Variants in TPR observed in about 807,000 individuals in gnomAD.
The protein encoded by TPR is nucleoprotein TPR.
TPR carries 51 observed loss-of-function variants against 316.1 expected under a neutral mutation model. The ratio of observed to expected loss-of-function variants is 0.16; its 90% CI spans 0.13 to 0.20. The LOEUF (loss-of-function observed/expected upper bound fraction) is 0.20, where lower values mean the gene tolerates loss of function less well. Among genes scored for constraint, TPR ranks in the 10% least tolerant of loss-of-function variants. The pLI, the probability that TPR is intolerant of heterozygous loss-of-function variation, is 1.00. For missense variants in TPR, 2,272 were observed against 2,754.8 expected, an observed-to-expected ratio of 0.82 and a Z score of 3.92; for synonymous variants, 981 against 914.7, an observed-to-expected ratio of 1.07 and a Z score of -1.31.
At chr1:186,353,921 C>T (rs1658947452) in intron 17 of TPR, 71 bp from the exon 18 acceptor site, 3 of 1,443,008 alleles carry the variant, frequency 2.1e-6, no homozygotes, top group Admixed American at 1.9e-5. Flanking sequence ...AGAAATTTCA[C>T]AATAGCTTAA....
At chr1:186,321,501 C>T (rs916621613) in intron 45 of TPR, among the ~76,000 whole-genome samples, 1 of 152,168 alleles carries the variant, frequency 6.6e-6, no homozygotes, top group Non-Finnish European at 1.5e-5. Context: ...TGCTGTCTGA[C>T]CTCTGGCAAA....
chr1:186,313,692 A>C lies in TPR; in HGVS notation c.*279T>G. Reference sequence around the variant, plus strand: ...TCTCTTCCATTTAGATCAATACTATAACATTGATGTGCCTAGTAGAACAGC... The same window carrying C: ...TCTCTTCCATTTAGATCAATACTATCACATTGATGTGCCTAGTAGAACAGC... On this transcript the variant is annotated 3_prime_UTR_variant, in exon 51 of 51. Transcript: ENST00000367478. 2 of 1,597,784 alleles carry C rather than the reference A, an allele frequency of 1.3e-6. No individual in the cohort carries two copies. Among genetic ancestry groups the C allele is most frequent in the South Asian group, 2.2e-5 (2 of 90,724 alleles).
intron 21 of TPR, 68 bp downstream of exon 21, chr1:186,350,155 A>G: frequency 1.5e-6 from 2 of 1,348,024 alleles, no homozygotes; most frequent in Non-Finnish European, 2.0e-6. Context: ...ATTTACTGAC[A>G]GGATATATTA....
chr1:186,375,024 G>C lies in TPR; in HGVS notation c.5C>G (p.Ala2Gly). 6.2e-7 allele frequency: 1 copy of C among 1,614,026 alleles called. No homozygotes were observed. Among genetic ancestry groups the C allele is most frequent in the Non-Finnish European group, 8.5e-7 (1 of 1,180,018 alleles). ...CTCCAGGACTTGCTGCAACACCGCC[G>C]CCATGTCGGTGGGGCCAGGGACCCC... The part of the protein sequence containing the change: M[A>G]AVLQQVLERT... Residue 2 changes from alanine to glycine, a missense_variant, in exon 1 of 51, where the codon GCG becomes GGG. By Grantham distance (60) the Ala-to-Gly change is moderately conservative (BLOSUM62 0). Around this residue, in one of 10 missense-constraint regions of TPR, gnomAD observed 549 missense variants for 598.6 expected, o/e 0.92. Coordinates refer to ENST00000367478, the MANE Select transcript of TPR (RefSeq NM_003292.3).
intron 18 of TPR, 152 bp from the exon 19 acceptor site, chr1:186,352,262 T>C (rs2101976037): frequency 1.5e-6 from 1 of 648,066 alleles, no homozygotes; most frequent in South Asian, 6.4e-5. Context: ...TACAAAACAG[T>C]TTCATGTGCT....
At chr1:186,357,044 C>A (rs897300460) in intron 14 of TPR, among the ~76,000 whole-genome samples, 4 of 152,066 alleles carry the variant, frequency 2.6e-5, no homozygotes, top group African/African-American at 9.7e-5. Context: ...CTGTTAGGAA[C>A]ACATAGATTT....
rs1320868279 is a variant in TPR, at chr1:186,357,527, C to T, written c.1594G>A (p.Val532Ile). The change falls in exon 14 of 51, where the codon GTA becomes ATA. Residue 532 changes from valine to isoleucine, a missense_variant. Val to Ile is a conservative substitution (Grantham distance 29). Coordinates refer to ENST00000367478, the MANE Select transcript of TPR (RefSeq NM_003292.3). Reference protein sequence around the residue: ...SSADISSSSEVISQHLVSYRN... With the variant: ...SSADISSSSEIISQHLVSYRN... ...TAAGATACTAGATGCTGTGATATTA[C>T]CTCAGATGAACTACTTATATCAGCA... 6.2e-7 allele frequency: 1 copy of T among 1,613,884 alleles called. No homozygotes were observed. Among genetic ancestry groups the T allele is most frequent in the African/African-American group, 1.3e-5 (1 of 74,840 alleles).
At chr1:186,363,580 A>G in intron 4 of TPR, 135 bp from the exon 5 acceptor site, 1 of 547,926 alleles carries the variant, frequency 1.8e-6, no homozygotes, top group Non-Finnish European at 3.1e-6. Context: ...CACAGATTGG[A>G]ACCATGCAGA....
chr1:186,347,249 C>A lies in TPR; in HGVS notation c.2943+43G>T, dbSNP rs756992146. 2.5e-6 allele frequency: 4 copies of A among 1,598,226 alleles called. No individual in the cohort carries two copies. In the Admixed American group the frequency reaches 6.8e-5, roughly 27 times the overall value. Reference sequence around the variant, plus strand: ...CTCTAGTTACTAAAAACAAAGTTAACAAATGTGTTGAGATTGAATTCTGAA... The same window carrying A: ...CTCTAGTTACTAAAAACAAAGTTAAAAAATGTGTTGAGATTGAATTCTGAA... On this transcript the variant is annotated intron_variant, in intron 22 of 50. Coordinates refer to ENST00000367478, the MANE Select transcript of TPR (RefSeq NM_003292.3).
At position 186,375,011 on chromosome 1, in the gene TPR, C is replaced by T; in HGVS notation, c.18G>A (p.Gln6=). 1 of 1,614,026 alleles carries T rather than the reference C, an allele frequency of 6.2e-7. No homozygotes were observed. Among genetic ancestry groups the T allele is most frequent in the Non-Finnish European group, 8.5e-7 (1 of 1,180,014 alleles). MAAVL[Q]QVLERTELNK... ...TCAGCTCCGTGCGCTCCAGGACTTG[C>T]TGCAACACCGCCGCCATGTCGGTGG... Residue 6 remains glutamine (Q), a synonymous_variant, in exon 1 of 51, where the codon CAG becomes CAA. Transcript: ENST00000367478.
At position 186,353,182 on chromosome 1, in the gene TPR, C is replaced by T. The variant is rs181871134; in HGVS notation, c.2334+506G>A. On this transcript the variant is annotated intron_variant, in intron 18 of 50. Transcript: ENST00000367478. The stretch of plus-strand genomic sequence containing the variant: ...GGTCAGTAGATCGAGACCATCCTGG[C>T]TAACACAGTGAAACCCCATCTCTAC... Among the ~76,000 whole-genome samples, 21 of 152,208 alleles carry T rather than the reference C, an allele frequency of 1.4e-4. No homozygotes were observed. The East Asian group carries it at 3.5e-3, about 25-fold the overall frequency.
intron 2 of TPR, 71 bp from the exon 3 acceptor site, chr1:186,371,114 G>T: frequency 9.0e-7 from 1 of 1,112,794 alleles, no homozygotes. Context: ...TTATGCAACT[G>T]CCAACCTTAC....
chr1:186,341,259 T>C lies in TPR; in HGVS notation c.3881A>G (p.Gln1294Arg), dbSNP rs373984347. The C allele has an allele frequency of 6.2e-7, 1 of 1,613,820 alleles. No individual in the cohort carries two copies. The highest frequency in any genetic ancestry group is 8.5e-7 in the Non-Finnish European group (1 of 1,179,956). Residue 1294 changes from glutamine (Q) to arginine (R), a missense_variant, in exon 28 of 51, where the codon CAA becomes CGA. By Grantham distance (43) the Gln-to-Arg change is conservative. Around this residue, in one of 10 missense-constraint regions of TPR, gnomAD observed 757 missense variants for 859.8 expected, o/e 0.88. Transcript: ENST00000367478. ...ERLEQDLQQMQAKVRKLELDI... is the reference protein window; with the variant it reads ...ERLEQDLQQMRAKVRKLELDI... The stretch of plus-strand genomic sequence containing the variant: ...GATAACTAAGCAACAAACCTTTGCT[T>C]GCATTTGCTGTAGATCCTGTTCTAG...
rs1017349438 is a variant in TPR, at chr1:186,333,005, T to G, written c.5455+117A>C. The G allele has an allele frequency of 2.0e-5, 24 of 1,205,744 alleles. No homozygotes were observed. In the Admixed American group the frequency reaches 5.9e-4, roughly 30 times the overall value. 74.7% of individuals were successfully genotyped at this position (1,205,744 alleles called of 1,614,324 possible). A position where few individuals can be genotyped will look rare whatever the true frequency, so the allele number is the denominator to read the frequency against. On this transcript the variant is annotated intron_variant, in intron 37 of 50. Coordinates refer to ENST00000367478, the MANE Select transcript of TPR (RefSeq NM_003292.3). ...TTATATCCAAGATATTATAATTGCG[T>G]AGGTCTATTCTAACTTCATTTGTAC...
Position 186,350,392 on chromosome 1 carries a change from T to C in TPR, c.2611-4A>G, listed in dbSNP as rs1658823646. 2 of 1,568,824 alleles carry C rather than the reference T, an allele frequency of 1.3e-6. No individual in the cohort carries two copies. The highest frequency in any genetic ancestry group is 1.4e-5 in the African/African-American group (1 of 72,926). ...TCTTTGTATCTAAAAGTTGAACCTA[T>C]AAAATACATTAATCTTATAACATTC... On this transcript the variant is annotated splice_region_variant and splice_polypyrimidine_tract_variant and intron_variant, in intron 20 of 50. Transcript: ENST00000367478.
rs748838725 is a variant in TPR, at chr1:186,345,667, A to G, written c.3126T>C (p.Ser1042=). 1.9e-6 allele frequency: 3 copies of G among 1,612,830 alleles called. No homozygotes were observed. The highest frequency in any genetic ancestry group is 3.3e-5 in the Admixed American group (2 of 59,956). Residue 1042 remains serine, a synonymous_variant, in exon 24 of 51, where the codon AGT becomes AGC. Coordinates refer to ENST00000367478, the MANE Select transcript of TPR (RefSeq NM_003292.3). The stretch of plus-strand genomic sequence containing the variant: ...GAGCTTCTTGTACTTCATTCTGAAC[A>G]CTAGAAAGTGTTTTCTTCAATTCAG... ...QLSELKKTLS[S]VQNEVQEALQ...
intron 21 of TPR, among the ~76,000 whole-genome samples, chr1:186,349,573 TG>T (rs914561966): frequency 2.0e-5 from 3 of 150,626 alleles, no homozygotes; most frequent in Admixed American, 2.0e-4. Context: ...GGCAGGAGAA[TG>T]GTGTGAACCT....
chr1:186,361,140 G>A (rs749741299), intron 9 of TPR, among the ~76,000 whole-genome samples: 6 of 151,788 alleles, frequency 4.0e-5, no homozygotes, highest in Non-Finnish European at 5.9e-5. Flanking sequence ...AAACCCAAAG[G>A]GTAAAAAGTG....
intron 3 of TPR, among the ~76,000 whole-genome samples, chr1:186,369,429 AATGTT>A (rs1659452981): frequency 6.6e-6 from 1 of 152,024 alleles, no homozygotes; most frequent in African/African-American, 2.4e-5. Flanking sequence ...TTCTTTCGTC[AATGTT>A]ATATTATTTT....
Sources: allele counts gnomAD v4.1 joint callset (sites outside exome capture counted in the v4.1 genomes callset), GRCh38; gene constraint gnomAD v4.1.1; regional missense constraint gnomAD v4.1.1; transcripts MANE v1.5; gene names NCBI Gene and HGNC (gene_info 2026-07-23, HGNC 2026-07-21).